Variants in WDR70 observed in about 807,000 individuals in gnomAD.
WDR70 encodes the protein WD repeat domain 70, also known as WD repeat-containing protein 70.
WDR70 carries 53 observed loss-of-function variants against 88.6 expected under a neutral mutation model. The observed-to-expected ratio is 0.60, with a 90% CI of 0.48 to 0.75. WDR70 has a LOEUF of 0.75. Ranked by LOEUF, WDR70 falls within the 30% of genes least tolerant of loss-of-function variation. WDR70 has a pLI of 0.00. For missense variants in WDR70, 610 were observed against 823.2 expected, an observed-to-expected ratio of 0.74 and a Z score of 3.17; for synonymous variants, 280 against 270.0, an observed-to-expected ratio of 1.04 and a Z score of -0.36.
chr5:37,482,583 A>C (rs1352137946), intron 8 of WDR70, among the ~76,000 whole-genome samples: 6 of 152,192 alleles, frequency 3.9e-5, no homozygotes, highest in Non-Finnish European at 7.4e-5. Flanking sequence ...GGGAATTATT[A>C]CAATGCAAGG....
chr5:37,695,456 G>C (rs775326862), intron 10 of WDR70, among the ~76,000 whole-genome samples: 1 of 152,150 alleles, frequency 6.6e-6, no homozygotes, highest in Non-Finnish European at 1.5e-5. Flanking sequence ...CTATAGGTAA[G>C]AAGTCTGGCA....
chr5:37,576,681 G>A (rs894107447), intron 9 of WDR70, among the ~76,000 whole-genome samples: 12 of 151,674 alleles, frequency 7.9e-5, no homozygotes, highest in African/African-American at 2.9e-4. Context: ...ACCCAAAGTA[G>A]CTAGACCAGA....
At chr5:37,440,505 C>T (rs7703724) in intron 6 of WDR70, among the ~76,000 whole-genome samples, 2,356 of 152,254 alleles carry the variant, frequency 0.015, 53 homozygotes, top group African/African-American at 0.053. Context: ...GCCACAACAC[C>T]GGGTAATTTT....
chr5:37,726,509 C>T (rs1297295213), intron 16 of WDR70, among the ~76,000 whole-genome samples: 2 of 152,042 alleles, frequency 1.3e-5, no homozygotes, highest in African/African-American at 4.8e-5. Flanking sequence ...AGATGCCAAG[C>T]CCTAAGATAT....
intron 10 of WDR70, among the ~76,000 whole-genome samples, chr5:37,622,061 G>T (rs987197296): frequency 6.6e-6 from 1 of 152,040 alleles, no homozygotes; most frequent in African/African-American, 2.4e-5. Flanking sequence ...TTATTTCTGC[G>T]GGCTCTGTTC....
At chr5:37,616,160 A>G (rs1744334708) in intron 10 of WDR70, among the ~76,000 whole-genome samples, 1 of 152,052 alleles carries the variant, frequency 6.6e-6, no homozygotes, top group Non-Finnish European at 1.5e-5. Context: ...TCACTCACCC[A>G]GGCTGGAGTG....
intron 5 of WDR70, among the ~76,000 whole-genome samples, chr5:37,419,041 G>C (rs1749855411): frequency 7.0e-6 from 1 of 142,456 alleles, no homozygotes; most frequent in Admixed American, 6.6e-5. Flanking sequence ...TGGGATTACA[G>C]GTGTGAGCCA....
chr5:37,687,805 A>G lies in WDR70; in HGVS notation c.1093-9850A>G, dbSNP rs571899539. The G allele has an allele frequency of 3.6e-4, 165 of 463,996 alleles. 1 individual carries two copies. Among genetic ancestry groups the G allele is most frequent in the Non-Finnish European group, 5.6e-4 (145 of 257,140 alleles). The allele number at this position is 463,996 out of a possible 1,614,324, so 28.7% of individuals were successfully genotyped here. On this transcript the variant is annotated intron_variant, in intron 10 of 17. Transcript: ENST00000265107. ...CTTTACTTGAGCACTGGAAGGCTAT[A>G]TGTCTTTCTACCTTAGAATCCCACT...
At chr5:37,384,707 C>T (rs1046543937) in intron 3 of WDR70, among the ~76,000 whole-genome samples, 2 of 150,128 alleles carry the variant, frequency 1.3e-5, no homozygotes, top group African/African-American at 2.4e-5. Context: ...GTTGTCCAGG[C>T]CAGTCTTGAA....
intron 8 of WDR70, among the ~76,000 whole-genome samples, chr5:37,484,671 T>C (rs1345114674): frequency 6.6e-6 from 1 of 152,214 alleles, no homozygotes; most frequent in East Asian, 1.9e-4. Context: ...ATCAGTTAAC[T>C]ACAGGTCAAT....
rs931658198 is a variant in WDR70, at chr5:37,539,805, C to A, written c.917+23215C>A. ...TCACTAAACTTGTCCATTTTTTCCCCAATAAGGATAAATATTACAGCACAG... is the reference window on the plus strand; with the variant it reads ...TCACTAAACTTGTCCATTTTTTCCCAAATAAGGATAAATATTACAGCACAG... On this transcript the variant is annotated intron_variant, in intron 9 of 17. Transcript: ENST00000265107. Among the ~76,000 whole-genome samples the A allele has an allele frequency of 2.0e-5, 3 of 152,142 alleles. No homozygotes were observed. The South Asian group carries it at 6.2e-4, about 32-fold the overall frequency.
chr5:37,554,678 G>GCGCA lies in WDR70; in HGVS notation c.917+38089_917+38090insGCAC, dbSNP rs5867353. On this transcript the variant is annotated intron_variant, in intron 9 of 17. Coordinates refer to ENST00000265107, the MANE Select transcript of WDR70 (RefSeq NM_018034.4). ...TACTCACACACGCATGCACCTGCAC[G>GCGCA]CACACACACACACACACACACACAC... Among the ~76,000 whole-genome samples the GCGCA allele has an allele frequency of 1.1e-3, 164 of 147,766 alleles. 1 individual carries two copies. Among genetic ancestry groups the GCGCA allele is most frequent in the Middle Eastern group, 3.5e-3 (1 of 286 alleles).
In WDR70 at chr5:37,514,356, A is replaced by ATATATATATATATATATATATG. The variant is rs771375976; in HGVS notation, c.841-2155_841-2154insATATATATATATATATATGTAT. 1.8e-3 allele frequency among the ~76,000 whole-genome samples: 100 copies of ATATATATATATATATATATATG among 54,390 alleles called. 2 individuals are homozygous for ATATATATATATATATATATATG. Among genetic ancestry groups the ATATATATATATATATATATATG allele is most frequent in the East Asian group, 3.8e-3 (7 of 1,862 alleles). 35.7% of individuals were successfully genotyped at this position (54,390 alleles called of 152,430 possible). On this transcript the variant is annotated intron_variant, in intron 8 of 17. Transcript: ENST00000265107. ...TAGAACTACATATATATATATATAT[A>ATATATATATATATATATATATG]TATGTATGTATGTATGTTTATGTAT...
chr5:37,624,600 A>C (rs1455622691), intron 10 of WDR70, among the ~76,000 whole-genome samples: 2 of 152,150 alleles, frequency 1.3e-5, no homozygotes, highest in Non-Finnish European at 2.9e-5. Flanking sequence ...TTTTGCTGAA[A>C]AATCAACTCA....
chr5:37,523,928 GA>G (rs780563620), intron 9 of WDR70, among the ~76,000 whole-genome samples: 7 of 152,080 alleles, frequency 4.6e-5, no homozygotes, highest in Non-Finnish European at 8.8e-5. Context: ...GACGTTTAGA[GA>G]AAAAAGAGTA....
intron 9 of WDR70, among the ~76,000 whole-genome samples, chr5:37,602,167 A>G (rs954147280): frequency 6.6e-6 from 1 of 152,164 alleles, no homozygotes; most frequent in Non-Finnish European, 1.5e-5. Context: ...ATGTATACCT[A>G]TGTAACAAAA....
intron 10 of WDR70, among the ~76,000 whole-genome samples, chr5:37,671,480 T>C (rs1746022917): frequency 6.6e-6 from 1 of 152,116 alleles, no homozygotes; most frequent in African/African-American, 2.4e-5. Context: ...ACTGGAAAAG[T>C]CTAGCAGCTT....
chr5:37,695,786 T>A (rs1324583441), intron 10 of WDR70, among the ~76,000 whole-genome samples: 2 of 152,140 alleles, frequency 1.3e-5, no homozygotes, highest in African/African-American at 4.8e-5. Flanking sequence ...GTAACCATAA[T>A]TACACCTGCC....
At chr5:37,647,037 T>C (rs1745259553) in intron 10 of WDR70, among the ~76,000 whole-genome samples, 1 of 152,214 alleles carries the variant, frequency 6.6e-6, no homozygotes, top group Non-Finnish European at 1.5e-5. Context: ...CTAGATCTTA[T>C]AGGTATGCTT....
Sources: gnomAD v4.1 joint callset for allele counts (sites outside exome capture counted in the v4.1 genomes callset) on GRCh38, gnomAD v4.1.1 for gene constraint, MANE v1.5 for transcripts, NCBI Gene and HGNC (gene_info 2026-07-23, HGNC 2026-07-21) for gene names.